The following YAP1 variants were observed in gnomAD, a reference collection of about 807,000 sequenced individuals.
The protein encoded by YAP1 is transcriptional coactivator YAP1.
Under a neutral mutation model 56.9 loss-of-function variants are expected in YAP1, and 5 were observed. That is an observed-to-expected ratio of 0.09 (90% CI 0.05 to 0.18). The LOEUF (loss-of-function observed/expected upper bound fraction) is 0.18, where lower values mean the gene tolerates loss of function less well. YAP1 is among the 10% of genes least tolerant of loss of function. The pLI is 1.00. For missense variants in YAP1, 539 were observed against 651.8 expected (o/e 0.83, Z 1.88); for synonymous variants, 265 against 248.1 (o/e 1.07, Z -0.64).
chr11:102,198,576 A>G (rs1346002439), intron 4 of YAP1, among the ~76,000 whole-genome samples: 1 of 152,236 alleles, frequency 6.6e-6, no homozygotes, highest in South Asian at 2.1e-4. Flanking sequence ...ATCATGTTTT[A>G]TAATTCCAAC....
At chr11:102,129,151 C>T (rs1186800372) in intron 2 of YAP1, among the ~76,000 whole-genome samples, 1 of 152,144 alleles carries the variant, frequency 6.6e-6, no homozygotes, top group African/African-American at 2.4e-5. Context: ...CTCAGTTTCT[C>T]CCTGGCAGGT....
In YAP1 at chr11:102,232,275, G is replaced by GT. The variant is rs1196314664; in HGVS notation, c.*2338dup. ...TTTAGCTTAGGGGGAGGGTGGGAAA[G>GT]TTTGGGGGGGGGGTTGTGAAGATTT... On this transcript the variant is annotated 3_prime_UTR_variant, in exon 9 of 9. Transcript: ENST00000282441. The GT allele has an allele frequency of 1.1e-5, 1 of 88,026 alleles. No homozygotes were observed. Among genetic ancestry groups the GT allele is most frequent in the African/African-American group, 4.9e-5 (1 of 20,608 alleles). 5.5% of individuals were successfully genotyped at this position (88,026 alleles called of 1,614,324 possible).
intron 1 of YAP1, chr11:102,112,491 A>G (rs1943013634): frequency 1.0e-5 from 10 of 980,302 alleles, no homozygotes; most frequent in Non-Finnish European, 1.2e-5. Flanking sequence ...ACTTTGCCCA[A>G]AAGTTAATAG....
chr11:102,112,047 C>T (rs1942963508), intron 1 of YAP1, among the ~76,000 whole-genome samples: 1 of 152,158 alleles, frequency 6.6e-6, no homozygotes, highest in East Asian at 1.9e-4. Context: ...TATTTACAGT[C>T]GGCTGAAACG....
chr11:102,224,695 T>G (rs1950108496), intron 7 of YAP1, among the ~76,000 whole-genome samples: 1 of 152,248 alleles, frequency 6.6e-6, no homozygotes, highest in Non-Finnish European at 1.5e-5. Context: ...TTAGTACTGG[T>G]GGCCTAGTTG....
chr11:102,198,354 G>C (rs996749374), intron 4 of YAP1, among the ~76,000 whole-genome samples: 2 of 152,166 alleles, frequency 1.3e-5, no homozygotes, highest in African/African-American at 4.8e-5. Context: ...TGGGAAACTG[G>C]TGAGAAGCAA....
intron 4 of YAP1, among the ~76,000 whole-genome samples, chr11:102,204,011 C>G (rs1363139103): frequency 1.3e-5 from 2 of 151,794 alleles, no homozygotes; most frequent in Non-Finnish European, 2.9e-5. Context: ...TTGGATTGAA[C>G]TAAGGCATTA....
intron 2 of YAP1, among the ~76,000 whole-genome samples, chr11:102,144,886 A>T (rs1026505699): frequency 4.7e-5 from 7 of 149,494 alleles, no homozygotes; most frequent in Non-Finnish European, 7.5e-5. Flanking sequence ...ACATACACAC[A>T]CTCATGCTCA....
chr11:102,128,273 C>T (rs774602693), intron 2 of YAP1, among the ~76,000 whole-genome samples: 2 of 152,110 alleles, frequency 1.3e-5, no homozygotes, highest in African/African-American at 4.8e-5. Context: ...AGAATTCCCA[C>T]GTGTTGTGGG....
chr11:102,123,764 C>T (rs1294974604), intron 2 of YAP1, among the ~76,000 whole-genome samples: 28 of 150,702 alleles, frequency 1.9e-4, no homozygotes, highest in African/African-American at 6.1e-4. Context: ...CTCAGCCTCC[C>T]GAGTAGCTGG....
chr11:102,232,281 G>GC lies in YAP1; in HGVS notation c.*2341_*2342insC, dbSNP rs1457409042. 6.7e-6 allele frequency: 1 copy of GC among 149,226 alleles called. No individual in the cohort carries two copies. Among genetic ancestry groups the GC allele is most frequent in the African/African-American group, 2.5e-5 (1 of 40,372 alleles). The allele number at this position is 149,226 out of a possible 1,614,324, so 9.2% of individuals were successfully genotyped here. A position where few individuals can be genotyped will look rare whatever the true frequency, so the allele number is the denominator to read the frequency against. On this transcript the variant is annotated 3_prime_UTR_variant, in exon 9 of 9. Coordinates refer to ENST00000282441, the MANE Select transcript of YAP1 (RefSeq NM_001130145.3). ...TTAGGGGGAGGGTGGGAAAGTTTGG[G>GC]GGGGGGGTTGTGAAGATTTAGGGGG...
chr11:102,193,970 C>T lies in YAP1; in HGVS notation c.802+7839C>T, dbSNP rs149824692. Among the ~76,000 whole-genome samples, 551 of 152,070 alleles carry T rather than the reference C, an allele frequency of 3.6e-3. 2 individuals are homozygous for T. Among genetic ancestry groups the T allele is most frequent in the African/African-American group, 0.013 (529 of 41,506 alleles). The stretch of plus-strand genomic sequence containing the variant: ...TACAGGTGCCTGCCACCGTGCCCGG[C>T]TAATTTTTTGTATTTTAGTAGAGAC... On this transcript the variant is annotated intron_variant, in intron 4 of 8. Coordinates refer to ENST00000282441, the MANE Select transcript of YAP1 (RefSeq NM_001130145.3).
intron 6 of YAP1, among the ~76,000 whole-genome samples, chr11:102,219,960 C>T (rs1949841453): frequency 6.6e-6 from 1 of 151,874 alleles, no homozygotes; most frequent in Non-Finnish European, 1.5e-5. Flanking sequence ...TCTCCAACTC[C>T]TGACCTCAAA....
chr11:102,226,293 T>A (rs185321047), intron 7 of YAP1, among the ~76,000 whole-genome samples: 1 of 152,172 alleles, frequency 6.6e-6, no homozygotes, highest in Admixed American at 6.5e-5. Context: ...GCAGAAGCAT[T>A]AGAGTAAACC....
intron 2 of YAP1, among the ~76,000 whole-genome samples, chr11:102,154,982 A>T (rs941551927): frequency 1.2e-4 from 19 of 152,184 alleles, no homozygotes; most frequent in African/African-American, 2.4e-5. Context: ...TTTGTTTTGC[A>T]CAACACAGTA....
chr11:102,145,713 A>G (rs920343072), intron 2 of YAP1, among the ~76,000 whole-genome samples: 7 of 152,220 alleles, frequency 4.6e-5, no homozygotes, highest in Non-Finnish European at 7.3e-5. Flanking sequence ...ACTGTTCAAA[A>G]TCAGAACATA....
intron 5 of YAP1, among the ~76,000 whole-genome samples, chr11:102,208,577 AC>A (rs1949237238): frequency 6.6e-6 from 1 of 152,188 alleles, no homozygotes; most frequent in Non-Finnish European, 1.5e-5. Context: ...TTTTTCGTCT[AC>A]TATTGTTAGA....
chr11:102,116,454 A>G (rs1036442557), intron 2 of YAP1, among the ~76,000 whole-genome samples: 1 of 152,196 alleles, frequency 6.6e-6, no homozygotes, highest in African/African-American at 2.4e-5. Context: ...CAAAGTTTCC[A>G]GTGATTCTTC....
chr11:102,139,938 A>G (rs1044893902), intron 2 of YAP1, among the ~76,000 whole-genome samples: 1 of 152,176 alleles, frequency 6.6e-6, no homozygotes, highest in East Asian at 1.9e-4. Flanking sequence ...CAAAGGATGA[A>G]ATTGGCTTAT....
Sources: gnomAD v4.1 joint callset for allele counts (sites outside exome capture counted in the v4.1 genomes callset) on GRCh38, gnomAD v4.1.1 for gene constraint, MANE v1.5 for transcripts, NCBI Gene and HGNC (gene_info 2026-07-23, HGNC 2026-07-21) for gene names.